NRG3: variants seen among roughly 807,000 people sequenced by gnomAD.
NRG3 encodes the protein pro-neuregulin-3, membrane-bound isoform.
NRG3 carries 31 observed loss-of-function variants against 66.9 expected under a neutral mutation model. That is an observed-to-expected ratio of 0.46 (90% CI 0.35 to 0.63). The LOEUF is 0.63. NRG3 is among the 20% of genes least tolerant of loss of function. The pLI, the probability that NRG3 is intolerant of heterozygous loss-of-function variation, is 0.00. For synonymous variants in NRG3, 393 were observed against 359.4 expected (o/e 1.09, Z -1.06); for missense variants, 910 against 878.9 (o/e 1.04, Z -0.45).
At chr10:82,781,165 C>T (rs2060105010) in intron 3 of NRG3, among the ~76,000 whole-genome samples, 1 of 152,122 alleles carries the variant, frequency 6.6e-6, no homozygotes, top group African/African-American at 2.4e-5. Flanking sequence ...TTCCTCTTTC[C>T]ACATCTCAGA....
rs112663114 is a variant in NRG3 at position 82,152,675 on chromosome 10, A to G, written c.824-206064A>G. ...AATAGATAATAATTCCCATCTCACAATTTTACAGTGTGAAAACAAGAAAAT... is the reference window on the plus strand; with the variant it reads ...AATAGATAATAATTCCCATCTCACAGTTTTACAGTGTGAAAACAAGAAAAT... On this transcript the variant is annotated intron_variant, in intron 1 of 8. Transcript: ENST00000372141. Among the ~76,000 whole-genome samples the G allele has an allele frequency of 3.4e-3, 513 of 149,606 alleles. 4 individuals are homozygous for G. Among genetic ancestry groups the G allele is most frequent in the African/African-American group, 0.012 (492 of 40,494 alleles).
At chr10:82,478,195 T>C (rs1034786893) in intron 2 of NRG3, among the ~76,000 whole-genome samples, 3 of 151,424 alleles carry the variant, frequency 2.0e-5, no homozygotes, top group Admixed American at 2.0e-4. Context: ...CAGCTCCAGC[T>C]ATTTGAGATT....
At chr10:81,955,098 T>C (rs1161878826) in intron 1 of NRG3, among the ~76,000 whole-genome samples, 2 of 141,336 alleles carry the variant, frequency 1.4e-5, no homozygotes, top group South Asian at 4.3e-4. Context: ...ATAAAATATA[T>C]GTTTGTTCTG....
At chr10:82,749,889 G>A (rs2058795184) in intron 3 of NRG3, among the ~76,000 whole-genome samples, 1 of 151,934 alleles carries the variant, frequency 6.6e-6, no homozygotes, top group Non-Finnish European at 1.5e-5. Flanking sequence ...AATCAAAAGG[G>A]TCCAGCACAT....
intron 3 of NRG3, among the ~76,000 whole-genome samples, chr10:82,742,233 G>A (rs1256784178): frequency 2.0e-5 from 3 of 152,032 alleles, no homozygotes; most frequent in African/African-American, 4.8e-5. Flanking sequence ...TCAGAAATGT[G>A]TATCTTTTAC....
At chr10:82,875,810 A>G (rs1212240482) in intron 4 of NRG3, among the ~76,000 whole-genome samples, 2 of 152,256 alleles carry the variant, frequency 1.3e-5, no homozygotes, top group Admixed American at 6.5e-5. Context: ...AGCCATACAT[A>G]TAAGGATAAT....
At chr10:82,354,900 G>T (rs2083679315) in intron 1 of NRG3, among the ~76,000 whole-genome samples, 1 of 152,138 alleles carries the variant, frequency 6.6e-6, no homozygotes, top group Admixed American at 6.5e-5. Flanking sequence ...GGAACTTAAA[G>T]AAAGCCTTGA....
chr10:82,568,227 G>A (rs902514196), intron 2 of NRG3, among the ~76,000 whole-genome samples: 2 of 151,756 alleles, frequency 1.3e-5, no homozygotes, highest in African/African-American at 2.4e-5. Flanking sequence ...CATGAAGGAG[G>A]ACACACTTGC....
At chr10:82,074,421 G>T (rs1241166203) in intron 1 of NRG3, among the ~76,000 whole-genome samples, 2 of 152,192 alleles carry the variant, frequency 1.3e-5, no homozygotes, top group African/African-American at 2.4e-5. Flanking sequence ...GTTTTGAGCC[G>T]AAATGTGACA....
intron 1 of NRG3, among the ~76,000 whole-genome samples, chr10:82,318,602 G>T (rs2135100200): frequency 6.6e-6 from 1 of 152,246 alleles, no homozygotes. Context: ...TGCATGACTT[G>T]TGGTCCACAC....
chr10:82,190,242 A>G (rs1257239306), intron 1 of NRG3, among the ~76,000 whole-genome samples: 1 of 152,182 alleles, frequency 6.6e-6, no homozygotes, highest in African/African-American at 2.4e-5. Context: ...TCACAAAGTG[A>G]TATTAATGAT....
intron 1 of NRG3, among the ~76,000 whole-genome samples, chr10:81,955,971 A>G (rs1849793900): frequency 6.6e-6 from 1 of 152,148 alleles, no homozygotes; most frequent in Non-Finnish European, 1.5e-5. Context: ...GGTGTTCCTC[A>G]TCTTAATTAA....
At chr10:82,389,879 A>G (rs1489224411) in intron 2 of NRG3, among the ~76,000 whole-genome samples, 2 of 152,190 alleles carry the variant, frequency 1.3e-5, no homozygotes, top group African/African-American at 4.8e-5. Context: ...ATAACTCTCA[A>G]TTGTGAAAGT....
rs1005336414 is a variant in NRG3 at position 82,226,217 on chromosome 10, G to A, written c.824-132522G>A. Among the ~76,000 whole-genome samples the A allele has an allele frequency of 5.3e-5, 8 of 152,146 alleles. No homozygotes were observed. In the East Asian group the frequency reaches 1.5e-3, roughly 29 times the overall value. ...GGATACTAAATGAGATTTGTCTGTGGCTCCTCTTTGAGACCAGTTTTCCTC... is the reference window on the plus strand; with the variant it reads ...GGATACTAAATGAGATTTGTCTGTGACTCCTCTTTGAGACCAGTTTTCCTC... On this transcript the variant is annotated intron_variant, in intron 1 of 8. Coordinates refer to ENST00000372141, the MANE Select transcript of NRG3 (RefSeq NM_001010848.4).
chr10:82,168,587 A>G (rs1305098569), intron 1 of NRG3, among the ~76,000 whole-genome samples: 2 of 152,126 alleles, frequency 1.3e-5, no homozygotes, highest in East Asian at 3.9e-4. Flanking sequence ...CATGGTTGAC[A>G]TGTGCAGTCC....
At chr10:81,960,863 G>A (rs1396027607) in intron 1 of NRG3, among the ~76,000 whole-genome samples, 1 of 151,962 alleles carries the variant, frequency 6.6e-6, no homozygotes, top group Non-Finnish European at 1.5e-5. Context: ...CAAATCCCTG[G>A]CTTTAGGAAG....
intron 1 of NRG3, among the ~76,000 whole-genome samples, chr10:82,322,780 G>A (rs928111150): frequency 1.3e-5 from 2 of 152,326 alleles, no homozygotes; most frequent in African/African-American, 2.4e-5. Flanking sequence ...TAGAGGAGAA[G>A]AGTAGTGTTG....
rs1222433842 is a variant in NRG3, at chr10:82,314,635, C to T, written c.824-44104C>T. On this transcript the variant is annotated intron_variant, in intron 1 of 8. Transcript: ENST00000372141. ...CATCCTGGCTAGCATGGTGAAACCC[C>T]GTCTCTACTAAAAATATTTAAAAAA... is the stretch of plus-strand genomic sequence containing the variant. Among the ~76,000 whole-genome samples, 4 of 151,496 alleles carry T rather than the reference C, an allele frequency of 2.6e-5. No homozygotes were observed. The East Asian group carries it at 7.8e-4, about 29-fold the overall frequency.
chr10:82,670,795 A>C (rs968196559), intron 2 of NRG3, among the ~76,000 whole-genome samples: 3 of 152,172 alleles, frequency 2.0e-5, no homozygotes, highest in African/African-American at 7.2e-5. Context: ...GTTAGCAGAG[A>C]CTGGGAGATC....
Sources: allele counts gnomAD v4.1 joint callset (sites outside exome capture counted in the v4.1 genomes callset), GRCh38; gene constraint gnomAD v4.1.1; transcripts MANE v1.5; gene names NCBI Gene and HGNC (gene_info 2026-07-23, HGNC 2026-07-21).